BRINP3: variants seen among roughly 807,000 people sequenced by gnomAD.
BRINP3 encodes the protein BMP/retinoic acid-inducible neural-specific protein 3.
BRINP3 carries 19 observed loss-of-function variants against 71.0 expected under a neutral mutation model. The observed-to-expected ratio is 0.27, with a 90% CI of 0.19 to 0.39. BRINP3 has a LOEUF of 0.39. BRINP3 is among the 10% of genes least tolerant of loss of function. The probability of loss-of-function intolerance (pLI) is 1.00; values close to 1 mark genes in which losing one functional copy is unlikely to be tolerated. For synonymous variants in BRINP3, 380 were observed against 337.7 expected, an observed-to-expected ratio of 1.13 and a Z score of -1.37; for missense variants, 959 against 940.8, an observed-to-expected ratio of 1.02 and a Z score of -0.25.
At chr1:190,131,697 C>G (rs1654558977) in intron 7 of BRINP3, among the ~76,000 whole-genome samples, 1 of 152,064 alleles carries the variant, frequency 6.6e-6, no homozygotes, top group Non-Finnish European at 1.5e-5. Context: ...TTCTCCTGCT[C>G]CAACAATTCA....
At chr1:190,126,259 T>A (rs188718600) in intron 7 of BRINP3, among the ~76,000 whole-genome samples, 1 of 152,122 alleles carries the variant, frequency 6.6e-6, no homozygotes, top group East Asian at 1.9e-4. Context: ...ATTTAACAGT[T>A]TATTTCATAG....
At chr1:190,234,718 C>A (rs1036424128) in intron 4 of BRINP3, among the ~76,000 whole-genome samples, 1 of 151,980 alleles carries the variant, frequency 6.6e-6, no homozygotes, top group African/African-American at 2.4e-5. Context: ...ATAATGCATG[C>A]CATCTTTGTT....
chr1:190,253,941 GTATAAGGTGT>G (rs1464922666), intron 4 of BRINP3, among the ~76,000 whole-genome samples: 1 of 152,114 alleles, frequency 6.6e-6, no homozygotes, highest in African/African-American at 2.4e-5. Context: ...ATTAATTTTT[GTATAAGGTGT>G]AAGGAAGGGA....
chr1:190,265,917 G>A (rs3860304), intron 3 of BRINP3, among the ~76,000 whole-genome samples: 124,518 of 152,084 alleles, frequency 0.82, 51,127 homozygotes, highest in Middle Eastern at 0.93. Context: ...AGGATATATT[G>A]AAACATTGTG....
chr1:190,423,508 A>G (rs1336028736), intron 2 of BRINP3, among the ~76,000 whole-genome samples: 1 of 151,844 alleles, frequency 6.6e-6, no homozygotes, highest in Non-Finnish European at 1.5e-5. Flanking sequence ...ATACTATGGC[A>G]CTGGCAGCAT....
chr1:190,203,436 T>C (rs1482633598), intron 6 of BRINP3, among the ~76,000 whole-genome samples: 1 of 148,684 alleles, frequency 6.7e-6, no homozygotes, highest in African/African-American at 2.5e-5. Context: ...TATATATATA[T>C]ATGTATGTGT....
intron 6 of BRINP3, among the ~76,000 whole-genome samples, chr1:190,186,980 T>C (rs1478968104): frequency 1.5e-4 from 23 of 152,162 alleles, no homozygotes; most frequent in Admixed American, 1.5e-3. Context: ...AATTAACCAG[T>C]ATTAAACTGT....
intron 2 of BRINP3, among the ~76,000 whole-genome samples, chr1:190,293,267 T>G (rs943038077): frequency 1.4e-4 from 21 of 152,158 alleles, no homozygotes; most frequent in African/African-American, 4.8e-4. Context: ...TTTTTAATTT[T>G]TTTATCAATA....
intron 2 of BRINP3, among the ~76,000 whole-genome samples, chr1:190,419,855 C>G (rs1470633307): frequency 1.4e-5 from 2 of 147,872 alleles, no homozygotes; most frequent in African/African-American, 5.0e-5. Flanking sequence ...AAAAAGAATC[C>G]CTGATTAGAA....
chr1:190,429,890 C>T (rs932683935), intron 2 of BRINP3, among the ~76,000 whole-genome samples: 3 of 151,966 alleles, frequency 2.0e-5, no homozygotes, highest in African/African-American at 7.2e-5. Flanking sequence ...CAACGCCCAG[C>T]CAAAATTTTA....
At chr1:190,292,513 T>C (rs1242036754) in intron 2 of BRINP3, among the ~76,000 whole-genome samples, 1 of 152,034 alleles carries the variant, frequency 6.6e-6, no homozygotes, top group African/African-American at 2.4e-5. Flanking sequence ...CTTACTCTGG[T>C]GGCATTTGCC....
intron 7 of BRINP3, chr1:190,154,077 T>C (rs559440733): frequency 2.1e-6 from 2 of 963,244 alleles, no homozygotes; most frequent in South Asian, 9.6e-5. Flanking sequence ...TCAGTTATGA[T>C]TTTTAGTTCT....
At chr1:190,430,265 A>T (rs1674006838) in intron 2 of BRINP3, among the ~76,000 whole-genome samples, 1 of 152,192 alleles carries the variant, frequency 6.6e-6, no homozygotes, top group Non-Finnish European at 1.5e-5. Context: ...CAAATTTGAG[A>T]GGGAGAGGGA....
At chr1:190,233,875 A>C (rs1171737137) in intron 5 of BRINP3, among the ~76,000 whole-genome samples, 1 of 152,194 alleles carries the variant, frequency 6.6e-6, no homozygotes, top group Non-Finnish European at 1.5e-5. Flanking sequence ...CTATCTTTAA[A>C]ATGGAAATCA....
chr1:190,124,546 A>G (rs1381296064), intron 7 of BRINP3, among the ~76,000 whole-genome samples: 3 of 152,116 alleles, frequency 2.0e-5, no homozygotes, highest in Non-Finnish European at 4.4e-5. Flanking sequence ...ACTTATTAAT[A>G]AAAATAACAA....
chr1:190,375,143 C>T (rs1670103881), intron 2 of BRINP3, among the ~76,000 whole-genome samples: 1 of 151,764 alleles, frequency 6.6e-6, no homozygotes, highest in South Asian at 2.1e-4. Context: ...TGGGAAAATA[C>T]AACAAGGTAG....
Position 190,438,164 on chromosome 1 carries a change from A to G in BRINP3, c.236+16491T>C, listed in dbSNP as rs576036016. ...CTGAAATTGGATAAAATATTTTCCCATCCCAAAAGTTACTATAGAATCATT... is the reference window on the plus strand; with the variant it reads ...CTGAAATTGGATAAAATATTTTCCCGTCCCAAAAGTTACTATAGAATCATT... On this transcript the variant is annotated intron_variant, in intron 2 of 7. Coordinates refer to ENST00000367462, the MANE Select transcript of BRINP3 (RefSeq NM_199051.3). Among the ~76,000 whole-genome samples, 8 of 151,596 alleles carry G rather than the reference A, an allele frequency of 5.3e-5. No homozygotes were observed. In the East Asian group the frequency reaches 1.5e-3, roughly 29 times the overall value.
chr1:190,130,097 A>G (rs1229317643), intron 7 of BRINP3, among the ~76,000 whole-genome samples: 1 of 151,998 alleles, frequency 6.6e-6, no homozygotes, highest in East Asian at 1.9e-4. Context: ...CTACAAAAAA[A>G]TTTGTCTGAC....
At chr1:190,171,572 T>C (rs1285373032) in intron 6 of BRINP3, among the ~76,000 whole-genome samples, 1 of 152,176 alleles carries the variant, frequency 6.6e-6, no homozygotes, top group African/African-American at 2.4e-5. Flanking sequence ...AGAAATTTCA[T>C]CCATAATTTG....
Sources: allele counts gnomAD v4.1 joint callset (sites outside exome capture counted in the v4.1 genomes callset), GRCh38; gene constraint gnomAD v4.1.1; transcripts MANE v1.5; gene names NCBI Gene and HGNC (gene_info 2026-07-23, HGNC 2026-07-21).